Variants in ATAD3A observed in about 807,000 individuals in gnomAD.
The protein encoded by ATAD3A is ATPase family AAA domain containing 3A, also known as ATPase family AAA domain-containing protein 3A.
A neutral mutation model predicts 73.8 loss-of-function variants in ATAD3A; 46 were observed. The observed-to-expected ratio is 0.62, with a 90% CI of 0.49 to 0.80. The LOEUF (loss-of-function observed/expected upper bound fraction) is 0.80, where lower values mean the gene tolerates loss of function less well. Ranked by LOEUF, ATAD3A falls within the 30% of genes least tolerant of loss-of-function variation. The pLI is 0.00. For synonymous variants in ATAD3A, 319 were observed against 350.0 expected (o/e 0.91, Z 0.99); for missense variants, 705 against 838.0 (o/e 0.84, Z 1.96).
chr1:1,523,400 G>T lies in ATAD3A; in HGVS notation c.907-111G>T. 6.6e-7 allele frequency: 1 copy of T among 1,517,186 alleles called. No homozygotes were observed. Among genetic ancestry groups the T allele is most frequent in the Non-Finnish European group, 8.9e-7 (1 of 1,120,516 alleles). 94.0% of individuals were successfully genotyped at this position (1,517,186 alleles called of 1,614,324 possible). ...CCAGCTCCGGGCCGGTCCTGGCTGT[G>T]CTTTGGGGCAGCTCCGTTTCTGCGT... On this transcript the variant is annotated intron_variant, in intron 8 of 15. Transcript: ENST00000378756. This position sits in a 1 kb window ranked among gnomAD's most constrained non-coding sequence, Gnocchi z 5.1.
chr1:1,513,756 G>A (rs1353653126), intron 1 of ATAD3A, among the ~76,000 whole-genome samples: 17 of 151,848 alleles, frequency 1.1e-4, no homozygotes, highest in Non-Finnish European at 2.4e-4. Context: ...CTGCAAGCCC[G>A]GCCCCTCCCG....
In ATAD3A at chr1:1,522,714, C is replaced by T. The variant is rs376233912; in HGVS notation, c.751-30C>T. On this transcript the variant is annotated intron_variant, in intron 7 of 15. Transcript: ENST00000378756. Reference sequence around the variant, plus strand: ...TCTAAGAGGGAGGGACGGTGGGGGCCGGTGCGCCAGTGCGGTGTCTCTGCT... The same window carrying T: ...TCTAAGAGGGAGGGACGGTGGGGGCTGGTGCGCCAGTGCGGTGTCTCTGCT... 1.7e-4 allele frequency: 279 copies of T among 1,610,122 alleles called. 2 individuals are homozygous for T. The African/African-American group carries it at 2.8e-3, about 16-fold the overall frequency.
chr1:1,515,212 G>A (rs879730419), intron 1 of ATAD3A, among the ~76,000 whole-genome samples: 21 of 152,172 alleles, frequency 1.4e-4, no homozygotes, highest in Non-Finnish European at 2.9e-4. Flanking sequence ...GAGTAGCTGG[G>A]ATTACAGGCG....
chr1:1,533,061 C>A (rs1286039025), intron 15 of ATAD3A, among the ~76,000 whole-genome samples: 4 of 152,208 alleles, frequency 2.6e-5, no homozygotes, highest in African/African-American at 7.2e-5. Flanking sequence ...ATGGCAGGTT[C>A]CGTCGTGGCG....
intron 4 of ATAD3A, among the ~76,000 whole-genome samples, chr1:1,518,658 C>T (rs566680003): frequency 1.0e-4 from 9 of 86,576 alleles, no homozygotes; most frequent in African/African-American, 4.6e-4. Flanking sequence ...CCCCACCCCC[C>T]GCACGGGTAC....
rs564902010 is a variant in ATAD3A, at chr1:1,522,312, A to T, written c.751-432A>T. Among the ~76,000 whole-genome samples, 6 of 152,310 alleles carry T rather than the reference A, an allele frequency of 3.9e-5. No homozygotes were observed. In the East Asian group the frequency reaches 1.2e-3, roughly 29 times the overall value. On this transcript the variant is annotated intron_variant, in intron 7 of 15. Transcript: ENST00000378756. ...TGCCTCAGCCTCCCAAAGTGCTGGG[A>T]TTACAGACCTGAGCTACTGTGCCCA...
chr1:1,521,298 C>CAAAAA lies in ATAD3A; in HGVS notation c.750+708_750+712dup, dbSNP rs1001385922. On this transcript the variant is annotated intron_variant, in intron 7 of 15. Transcript: ENST00000378756. ...TGGGCCACATAGTGAGGCTTCTTCT[C>CAAAAA]AAAAAAAAAAAAAAAAAAAAAAAAA... Among the ~76,000 whole-genome samples, 17 of 25,358 alleles carry CAAAAA rather than the reference C, an allele frequency of 6.7e-4. 2 individuals are homozygous for CAAAAA. The East Asian group carries it at 7.9e-3, about 12-fold the overall frequency. The allele number at this position is 25,358 out of a possible 152,430, so 16.6% of individuals were successfully genotyped here. A position where few individuals can be genotyped will look rare whatever the true frequency, so the allele number is the denominator to read the frequency against.
At chr1:1,527,185 A>G in intron 13 of ATAD3A, 1 of 1,302,564 alleles carries the variant, frequency 7.7e-7, no homozygotes, top group South Asian at 1.2e-5. Context: ...CACACGGAGG[A>G]TCAAGTCCTG....
chr1:1,525,292 G>A lies in ATAD3A; in HGVS notation c.1266+1G>A, dbSNP rs757205195. ...CGCCTTCCTTCGGAAGCGAGCCACC[G>A]TGAGTGTCACTAAGCCTCTGGCCAC... On this transcript the variant is annotated splice_donor_variant, in intron 12 of 15. Transcript: ENST00000378756. LOFTEE classifies it high-confidence loss of function. 1.6e-5 allele frequency: 26 copies of A among 1,613,714 alleles called. No individual in the cohort carries two copies. Among genetic ancestry groups the A allele is most frequent in the Admixed American group, 3.3e-5 (2 of 60,002 alleles).
intron 1 of ATAD3A, 145 bp from the exon 2 acceptor site, chr1:1,515,867 A>C: frequency 1.2e-6 from 1 of 832,694 alleles, no homozygotes; most frequent in Non-Finnish European, 2.0e-6. Context: ...AGGTCTGACT[A>C]GGAAGGAGGA....
chr1:1,517,138 A>T (rs1199451221), intron 2 of ATAD3A, 173 bp from the exon 3 acceptor site: 32 of 1,546,692 alleles, frequency 2.1e-5, no homozygotes, highest in Non-Finnish European at 2.5e-5. Context: ...GTGGGTCTGG[A>T]TTCCTCCAGG....
rs761721902 is a variant in ATAD3A, at chr1:1,520,145, C to T, written c.519C>T (p.Thr173=). The change falls in exon 6 of 16, where the codon ACC becomes ACT. Residue 173 remains threonine, a synonymous_variant. Transcript: ENST00000378756. The surrounding 1 kb of genome is among the most constrained non-coding windows in gnomAD (Gnocchi z 4.0). ...VQKQEAMRRA[T]VEREMELRHK... The stretch of plus-strand genomic sequence containing the variant: ...TGCCCTGCCTCTCTGGGGCAGCCAC[C>T]GTGGAGCGGGAGATGGAGCTGCGGC... 24 of 1,609,906 alleles carry T rather than the reference C, an allele frequency of 1.5e-5. No homozygotes were observed. The highest frequency in any genetic ancestry group is 4.0e-5 in the African/African-American group (3 of 74,858).
rs1277359571 is a variant in ATAD3A, at chr1:1,527,710, G to A, written c.1353G>A (p.Leu451=). The A allele has an allele frequency of 3.1e-6, 5 of 1,612,586 alleles. No individual in the cohort carries two copies. Among genetic ancestry groups the A allele is most frequent in the Non-Finnish European group, 4.2e-6 (5 of 1,179,320 alleles). Residue 451 remains leucine, a synonymous_variant, in exon 14 of 16, where the codon CTG becomes CTA. Coordinates refer to ENST00000378756, the MANE Select transcript of ATAD3A (RefSeq NM_001170535.3). ...CGCCCCGCAGGTTCATGCTGGTCCT[G>A]GCCAGCAACCAACCAGAGCAGTTCG... The part of the protein sequence containing the change: ...GQHSNKFMLV[L]ASNQPEQFDW...
chr1:1,520,474 C>T lies in ATAD3A; in HGVS notation c.681-74C>T. On this transcript the variant is annotated intron_variant, in intron 6 of 15. Coordinates refer to ENST00000378756, the MANE Select transcript of ATAD3A (RefSeq NM_001170535.3). This position sits in a 1 kb window ranked among gnomAD's most constrained non-coding sequence, Gnocchi z 4.0. The stretch of plus-strand genomic sequence containing the variant: ...AGGCCGTGCCGCCATGTCAGGGCCT[C>T]ACCCTCAACCTGCTCTCGCTGCGTG... 3 of 1,612,194 alleles carry T rather than the reference C, an allele frequency of 1.9e-6. No homozygotes were observed. The highest frequency in any genetic ancestry group is 2.5e-6 in the Non-Finnish European group (3 of 1,178,436).
rs560928909 is a variant in ATAD3A, at chr1:1,522,619, G to A, written c.751-125G>A. ...GGGCCGGGAATTCGCGTTCCTGTGGGGCCAGTGCACGGCCCTGTGCTTCTC... is the reference window on the plus strand; with the variant it reads ...GGGCCGGGAATTCGCGTTCCTGTGGAGCCAGTGCACGGCCCTGTGCTTCTC... On this transcript the variant is annotated intron_variant, in intron 7 of 15. Transcript: ENST00000378756. The A allele has an allele frequency of 2.4e-5, 37 of 1,513,928 alleles. No individual in the cohort carries two copies. In the East Asian group the frequency reaches 7.2e-4, roughly 30 times the overall value. The allele number at this position is 1,513,928 out of a possible 1,614,324, so 93.8% of individuals were successfully genotyped here. A position where few individuals can be genotyped will look rare whatever the true frequency, so the allele number is the denominator to read the frequency against.
rs1440347999 is a variant in ATAD3A at position 1,523,240 on chromosome 1, G to C, written c.907-271G>C. On this transcript the variant is annotated intron_variant, in intron 8 of 15. Transcript: ENST00000378756. The surrounding 1 kb of genome is among the most constrained non-coding windows in gnomAD (Gnocchi z 5.1). ...TCTGGTGGCCTCCCTGGGGAGCCGC[G>C]CCGCTCGCCGCCCCCGAGGTGCCTG... Among the ~76,000 whole-genome samples, 1 of 151,954 alleles carries C rather than the reference G, an allele frequency of 6.6e-6. No individual in the cohort carries two copies. Among genetic ancestry groups the C allele is most frequent in the African/African-American group, 2.4e-5 (1 of 41,292 alleles).
intron 2 of ATAD3A, among the ~76,000 whole-genome samples, chr1:1,516,522 C>T (rs1211730348): frequency 6.6e-6 from 1 of 152,158 alleles, no homozygotes; most frequent in African/African-American, 2.4e-5. Context: ...AAGCAATTCT[C>T]CTGCCTCAGC....
chr1:1,514,984 C>T (rs530018372), intron 1 of ATAD3A, among the ~76,000 whole-genome samples: 186 of 152,338 alleles, frequency 1.2e-3, no homozygotes, highest in African/African-American at 4.3e-3. Context: ...AGCAGTTCTC[C>T]AGCCTTGGCC....
At chr1:1,522,361 C>G (rs774136632) in intron 7 of ATAD3A, among the ~76,000 whole-genome samples, 4 of 152,076 alleles carry the variant, frequency 2.6e-5, no homozygotes, top group Non-Finnish European at 5.9e-5. Flanking sequence ...ATTTTTAAAA[C>G]GAGTTAGAGA....
Sources: gnomAD v4.1 joint callset for allele counts (sites outside exome capture counted in the v4.1 genomes callset) on GRCh38, gnomAD v4.1.1 for gene constraint, Gnocchi (gnomAD v3.1) non-coding constraint, MANE v1.5 for transcripts, NCBI Gene and HGNC (gene_info 2026-07-23, HGNC 2026-07-21) for gene names.